Variants in DOC2B observed in about 807,000 individuals in gnomAD.
The protein encoded by DOC2B is double C2-like domain-containing protein beta.
A neutral mutation model predicts 28.9 loss-of-function variants in DOC2B; 21 were observed. That is an observed-to-expected ratio of 0.73 (90% CI 0.52 to 1.05). DOC2B has a LOEUF of 1.05. DOC2B is among the 50% of genes least tolerant of loss of function. The pLI is 0.00. For missense variants in DOC2B, 384 were observed against 421.1 expected (o/e 0.91, Z 0.77); for synonymous variants, 194 against 178.1 (o/e 1.09, Z -0.71).
chr17:162,632 C>A (rs2040218536), intron 3 of DOC2B, among the ~76,000 whole-genome samples: 1 of 152,146 alleles, frequency 6.6e-6, no homozygotes, highest in Non-Finnish European at 1.5e-5. Context: ...AGAGAGAGAC[C>A]ACTGCTGGAC....
In DOC2B at chr17:144,157, T is replaced by A. The variant is rs2151455078; in HGVS notation, c.*3284A>T. On this transcript the variant is annotated 3_prime_UTR_variant, in exon 9 of 9. Coordinates refer to ENST00000613549, the MANE Select transcript of DOC2B (RefSeq NM_003585.5). The stretch of plus-strand genomic sequence containing the variant: ...CTGACACCTGGAATGACTTTTTTTT[T>A]TTGGCATCAGATTTCCTGTCTTTGT... 6.6e-6 allele frequency: 1 copy of A among 151,874 alleles called. No homozygotes were observed. The highest frequency in any genetic ancestry group is 1.9e-4 in the East Asian group (1 of 5,166). The allele number at this position is 151,874 out of a possible 1,614,324, so 9.4% of individuals were successfully genotyped here. A position where few individuals can be genotyped will look rare whatever the true frequency, so the allele number is the denominator to read the frequency against.
intron 6 of DOC2B, among the ~76,000 whole-genome samples, chr17:149,658 G>A (rs1039610929): frequency 6.6e-6 from 1 of 151,944 alleles, no homozygotes; most frequent in Non-Finnish European, 1.5e-5. Context: ...GGCATGTGCC[G>A]CCATGCGCAG....
chr17:173,751 G>A (rs1208164104), intron 1 of DOC2B, among the ~76,000 whole-genome samples: 3 of 152,168 alleles, frequency 2.0e-5, no homozygotes, highest in Admixed American at 2.0e-4. Flanking sequence ...GAGGGGCTGG[G>A]GGAGGTGACG....
intron 7 of DOC2B, among the ~76,000 whole-genome samples, chr17:148,737 G>A (rs1394822836): frequency 3.9e-5 from 6 of 152,086 alleles, no homozygotes; most frequent in African/African-American, 9.7e-5. Context: ...TTGTTCCTTG[G>A]GGGGAATCCG....
Position 181,319 on chromosome 17 carries a change from G to A in DOC2B, c.161C>T (p.Ala54Val). 1.7e-6 allele frequency: 2 copies of A among 1,161,880 alleles called. No homozygotes were observed. The highest frequency in any genetic ancestry group is 1.6e-5 in the African/African-American group (1 of 61,404). 72.0% of individuals were successfully genotyped at this position (1,161,880 alleles called of 1,614,324 possible). Reference protein sequence around the residue: ...LPPDAGPRAAAPPDAPARPAV... With the variant: ...LPPDAGPRAAVPPDAPARPAV... ...CGGGCGCGCGGGGGCGTCCGGGGGT[G>A]CAGCGGCTCGGGGCCCGGCGTCCGG... Residue 54 changes from alanine to valine, a missense_variant, in exon 1 of 9, where the codon GCA (alanine) becomes GTA (valine). Physicochemically the swap from Ala to Val is moderately conservative, Grantham distance 64 (BLOSUM62 0). Transcript: ENST00000613549. The surrounding 1 kb of genome is among the most constrained non-coding windows in gnomAD (Gnocchi z 7.0).
chr17:148,029 G>T, intron 8 of DOC2B, 144 bp downstream of exon 8: 2 of 395,910 alleles, frequency 5.1e-6, no homozygotes, highest in Non-Finnish European at 8.9e-6. Flanking sequence ...GGGCACAAGG[G>T]TCAGGCTGGA....
At chr17:162,553 A>C (rs6565703) in intron 3 of DOC2B, among the ~76,000 whole-genome samples, 111,419 of 152,170 alleles carry the variant, frequency 0.73, 41,678 homozygotes, top group East Asian at 0.86. Context: ...AGCTGGAAGG[A>C]GCTAGGAAAC....
chr17:155,270 A>G (rs2040121311), intron 6 of DOC2B, among the ~76,000 whole-genome samples: 2 of 152,108 alleles, frequency 1.3e-5, no homozygotes, highest in South Asian at 4.1e-4. Flanking sequence ...TCAGAATGTA[A>G]GTGTAACTCA....
At chr17:152,063 A>G (rs2040078218) in intron 6 of DOC2B, among the ~76,000 whole-genome samples, 1 of 152,148 alleles carries the variant, frequency 6.6e-6, no homozygotes, top group Non-Finnish European at 1.5e-5. Context: ...CTGTCAGGAC[A>G]GTGGTCCTGG....
intron 1 of DOC2B, among the ~76,000 whole-genome samples, chr17:173,429 A>G (rs146273114): frequency 6.6e-6 from 1 of 152,158 alleles, no homozygotes; most frequent in African/African-American, 2.4e-5. Flanking sequence ...ACATTCACAG[A>G]TGGCTTCAGA....
intron 7 of DOC2B, 51 bp from the exon 8 acceptor site, chr17:148,320 C>T (rs990418977): frequency 1.5e-5 from 6 of 398,536 alleles, no homozygotes; most frequent in Non-Finnish European, 2.7e-5. Flanking sequence ...TGGGCCTCCG[C>T]CGGGGGCCAG....
rs2040201307 is a variant in DOC2B at position 161,411 on chromosome 17, T to C, written c.765+4A>G. 1.3e-6 allele frequency: 2 copies of C among 1,551,424 alleles called. No individual in the cohort carries two copies. On this transcript the variant is annotated splice_donor_region_variant and intron_variant, in intron 5 of 8. Transcript: ENST00000613549. The stretch of plus-strand genomic sequence containing the variant: ...CACAGCAGGTGCTCAATCAATCCTC[T>C]CACCGGCAGCTGCTTCTCCAGGCAG...
chr17:164,202 G>C lies in DOC2B; in HGVS notation c.456C>G (p.Gly152=). 4 of 1,551,784 alleles carry C rather than the reference G, an allele frequency of 2.6e-6. No individual in the cohort carries two copies. Among genetic ancestry groups the C allele is most frequent in the Non-Finnish European group, 3.5e-6 (4 of 1,146,680 alleles). ...GCCCATTGTGGTCCATTGGCTTCAGGCCCTGGGCAGAGAAGAGCAAACGGT... is the reference window on the plus strand; with the variant it reads ...GCCCATTGTGGTCCATTGGCTTCAGCCCCTGGGCAGAGAAGAGCAAACGGT... ...ALHCTITKAK[G]LKPMDHNGLA... The change falls in exon 3 of 9, where the codon GGC becomes GGG. Residue 152 remains glycine (G), a splice_region_variant and synonymous_variant. Transcript: ENST00000613549.
intron 1 of DOC2B, among the ~76,000 whole-genome samples, chr17:179,889 C>T (rs2040417662): frequency 6.6e-6 from 1 of 152,278 alleles, no homozygotes; most frequent in African/African-American, 2.4e-5. Flanking sequence ...CTCTAACCGG[C>T]CACTGCTGAT....
At chr17:175,536 T>C (rs1033023731) in intron 1 of DOC2B, among the ~76,000 whole-genome samples, 3 of 152,236 alleles carry the variant, frequency 2.0e-5, no homozygotes, top group African/African-American at 7.2e-5. Context: ...CTGGGGTTTG[T>C]TCCCCCAACG....
At chr17:174,314 C>T (rs2040344980) in intron 1 of DOC2B, among the ~76,000 whole-genome samples, 1 of 152,210 alleles carries the variant, frequency 6.6e-6, no homozygotes, top group Non-Finnish European at 1.5e-5. Flanking sequence ...CCTCAGTTTA[C>T]TCATCTGTGA....
At chr17:170,001 C>G (rs1435166914) in intron 2 of DOC2B, among the ~76,000 whole-genome samples, 1 of 152,172 alleles carries the variant, frequency 6.6e-6, no homozygotes, top group Non-Finnish European at 1.5e-5. Context: ...TGCATACACA[C>G]AAACGCACCT....
intron 6 of DOC2B, 30 bp downstream of exon 6, chr17:156,189 TG>T (rs1256597663): frequency 6.6e-7 from 1 of 1,525,366 alleles, no homozygotes; most frequent in Non-Finnish European, 8.8e-7. Flanking sequence ...GGTGAAGACG[TG>T]GCAGGTGGTC....
In DOC2B at chr17:166,145, G is replaced by A. The variant is rs564039925; in HGVS notation, c.454-1941C>T. Among the ~76,000 whole-genome samples the A allele has an allele frequency of 1.1e-4, 16 of 152,304 alleles. No individual in the cohort carries two copies. In the East Asian group the frequency reaches 2.1e-3, roughly 20 times the overall value. On this transcript the variant is annotated intron_variant, in intron 2 of 8. Coordinates refer to ENST00000613549, the MANE Select transcript of DOC2B (RefSeq NM_003585.5). ...GCTGCTGCTCTCTACTCCTCCACCC[G>A]GCAGTTCCCTGAGCACCCTGGGCAG...
Sources: allele counts gnomAD v4.1 joint callset (sites outside exome capture counted in the v4.1 genomes callset), GRCh38; gene constraint gnomAD v4.1.1; non-coding constraint Gnocchi (gnomAD v3.1); transcripts MANE v1.5; gene names NCBI Gene and HGNC (gene_info 2026-07-23, HGNC 2026-07-21).